Variants in TEKT3 observed in about 807,000 individuals in gnomAD.
The protein encoded by TEKT3 is tektin-3.
A neutral mutation model predicts 49.8 loss-of-function variants in TEKT3; 49 were observed. The ratio of observed to expected loss-of-function variants is 0.98; its 90% CI spans 0.78 to 1.25. The LOEUF is 1.25. Among genes scored for constraint, TEKT3 ranks in the 50% most tolerant of loss-of-function variants. TEKT3 has a pLI of 0.00. For missense variants in TEKT3, 595 were observed against 629.5 expected (o/e 0.95, Z 0.59); for synonymous variants, 225 against 237.2 (o/e 0.95, Z 0.47).
chr17:15,321,420 A>G (rs1033783428), intron 4 of TEKT3, among the ~76,000 whole-genome samples: 3 of 152,218 alleles, frequency 2.0e-5, no homozygotes, highest in Non-Finnish European at 4.4e-5. Flanking sequence ...GGCCTCTGGC[A>G]CTGTCCCCAG....
intron 5 of TEKT3, 188 bp from the exon 6 acceptor site, chr17:15,314,418 GGA>G: frequency 1.7e-6 from 1 of 577,888 alleles, no homozygotes; most frequent in East Asian, 3.5e-5. Flanking sequence ...TACGTCACTG[GGA>G]CCCTAACTCC....
intron 8 of TEKT3, chr17:15,306,797 A>G (rs940704612): frequency 5.9e-5 from 9 of 152,216 alleles, no homozygotes; most frequent in Non-Finnish European, 1.3e-4. Flanking sequence ...ACATTTACAT[A>G]AAGTCAAAAC....
chr17:15,322,648 G>T (rs981606494), intron 4 of TEKT3, among the ~76,000 whole-genome samples: 1 of 152,110 alleles, frequency 6.6e-6, no homozygotes, highest in African/African-American at 2.4e-5. Flanking sequence ...CACAGGTTGA[G>T]GCTTTATATG....
intron 2 of TEKT3, among the ~76,000 whole-genome samples, chr17:15,334,171 C>T (rs2168999): frequency 0.37 from 56,047 of 152,030 alleles, 12,026 homozygotes; most frequent in African/African-American, 0.59. Flanking sequence ...AAGCAATCCT[C>T]CCAAGTAGCT....
In TEKT3 at chr17:15,318,388, C is replaced by G. The variant is rs115789335; in HGVS notation, c.734+689G>C. 1.8e-3 allele frequency among the ~76,000 whole-genome samples: 281 copies of G among 152,192 alleles called. 2 individuals carry two copies. The highest frequency in any genetic ancestry group is 6.6e-3 in the African/African-American group (275 of 41,528). On this transcript the variant is annotated intron_variant, in intron 5 of 8. Transcript: ENST00000395930. ...ATGTTAGAGCTGAACAAGTATAAGT[C>G]AATCTCTTATGTAAAAAAAATGCCA... is the stretch of plus-strand genomic sequence containing the variant.
chr17:15,323,649 A>G (rs1386278431), intron 4 of TEKT3, among the ~76,000 whole-genome samples: 1 of 152,240 alleles, frequency 6.6e-6, no homozygotes, highest in Non-Finnish European at 1.5e-5. Context: ...TTGCTAATAC[A>G]CATTTAATTA....
chr17:15,325,209 ATAT>A (rs1911440460), intron 4 of TEKT3, among the ~76,000 whole-genome samples: 3 of 152,192 alleles, frequency 2.0e-5, no homozygotes, highest in African/African-American at 7.2e-5. Flanking sequence ...TTCTTTTTCC[ATAT>A]TATTTTGGCT....
At position 15,327,679 on chromosome 17, in the gene TEKT3, A is replaced by C. The variant is rs550545004; in HGVS notation, c.663+313T>G. The C allele has an allele frequency of 1.4e-4, 41 of 293,538 alleles. No homozygotes were observed. In the East Asian group the frequency reaches 1.9e-3, roughly 14 times the overall value. 18.2% of individuals were successfully genotyped at this position (293,538 alleles called of 1,614,324 possible). A position where few individuals can be genotyped will look rare whatever the true frequency, so the allele number is the denominator to read the frequency against. ...GGTGCCTATCTAAGAATGATTAATA[A>C]AAAGATGCAACGGAATGGTAGAAAA... is the stretch of plus-strand genomic sequence containing the variant. On this transcript the variant is annotated intron_variant, in intron 4 of 8. Transcript: ENST00000395930.
chr17:15,319,316 C>A (rs535035521), intron 4 of TEKT3, among the ~76,000 whole-genome samples, 169 bp from the exon 5 acceptor site: 2 of 152,242 alleles, frequency 1.3e-5, no homozygotes, highest in South Asian at 4.2e-4. Flanking sequence ...CTCCATGATA[C>A]TGGAATCTAA....
At position 15,336,397 on chromosome 17, in the gene TEKT3, T is replaced by C. The variant is rs1039446842; in HGVS notation, c.-30+3631A>G. 5.3e-5 allele frequency among the ~76,000 whole-genome samples: 8 copies of C among 152,124 alleles called. No homozygotes were observed. In the East Asian group the frequency reaches 1.5e-3, roughly 29 times the overall value. On this transcript the variant is annotated intron_variant, in intron 2 of 8. Transcript: ENST00000395930. ...TTCAAAAAATGAAGGTGAAATAAAA[T>C]CTTTTCATAAAAACGAAATCCAAAA...
intron 3 of TEKT3, among the ~76,000 whole-genome samples, chr17:15,330,684 C>T (rs542671183): frequency 6.6e-6 from 1 of 152,148 alleles, no homozygotes; most frequent in African/African-American, 2.4e-5. Flanking sequence ...TCAGGTATTT[C>T]TTTATAGCAA....
intron 8 of TEKT3, among the ~76,000 whole-genome samples, chr17:15,308,416 G>C (rs1040561816): frequency 6.6e-6 from 1 of 152,160 alleles, no homozygotes; most frequent in Non-Finnish European, 1.5e-5. Flanking sequence ...CCAATCTTAA[G>C]TGTACAGATC....
chr17:15,335,731 G>A (rs990258309), intron 2 of TEKT3, among the ~76,000 whole-genome samples: 2 of 152,210 alleles, frequency 1.3e-5, no homozygotes, highest in African/African-American at 4.8e-5. Flanking sequence ...AAATGGCAGA[G>A]ATGATGGAAC....
At chr17:15,343,210 T>C (rs1252518966), upstream of TEKT3, among the ~76,000 whole-genome samples, 1 of 152,202 alleles carries the variant, frequency 6.6e-6, no homozygotes, top group Admixed American at 6.5e-5. Flanking sequence ...GATTTAAAAA[T>C]AAACAGGTGA....
intron 4 of TEKT3, among the ~76,000 whole-genome samples, chr17:15,321,553 G>C (rs1911257190): frequency 6.6e-6 from 1 of 152,166 alleles, no homozygotes; most frequent in Non-Finnish European, 1.5e-5. Context: ...AAAAGGTGGG[G>C]GATACACACA....
chr17:15,337,687 C>G (rs1369370960), intron 2 of TEKT3, among the ~76,000 whole-genome samples: 3 of 151,868 alleles, frequency 2.0e-5, no homozygotes, highest in African/African-American at 7.3e-5. Context: ...ACTAAAAATA[C>G]AAAAATTAGC....
At chr17:15,317,010 C>G (rs943236896) in intron 5 of TEKT3, among the ~76,000 whole-genome samples, 1 of 152,136 alleles carries the variant, frequency 6.6e-6, no homozygotes, top group South Asian at 2.1e-4. Flanking sequence ...GAGATCCAAG[C>G]TGAGGGTTTC....
chr17:15,316,996 A>T (rs1911038268), intron 5 of TEKT3, among the ~76,000 whole-genome samples: 1 of 152,144 alleles, frequency 6.6e-6, no homozygotes, highest in Non-Finnish European at 1.5e-5. Context: ...TTCTATTTTC[A>T]GCTGAGATCC....
chr17:15,318,146 T>C (rs970133930), intron 5 of TEKT3, among the ~76,000 whole-genome samples: 6 of 151,846 alleles, frequency 4.0e-5, no homozygotes, highest in South Asian at 2.1e-4. Flanking sequence ...CCTGCCACCA[T>C]GCCCGGCTAA....
Sources: allele counts gnomAD v4.1 joint callset (sites outside exome capture counted in the v4.1 genomes callset), GRCh38; gene constraint gnomAD v4.1.1; transcripts MANE v1.5; gene names NCBI Gene and HGNC (gene_info 2026-07-23, HGNC 2026-07-21).